The following LRTM1 variants were observed in gnomAD, a reference collection of about 807,000 sequenced individuals.
LRTM1 encodes the protein leucine rich repeat transmembrane protein 1, also known as leucine-rich repeat and transmembrane domain-containing protein 1.
In LRTM1, 38 loss-of-function variants were observed where a neutral mutation model predicts 32.4. The observed-to-expected ratio is 1.17, with a 90% confidence interval of 0.91 to 1.54. The LOEUF (loss-of-function observed/expected upper bound fraction) is 1.54. Among genes scored for constraint, LRTM1 ranks in the 40% most tolerant of loss-of-function variants. The pLI is 0.00. For missense variants in LRTM1, 466 were observed against 415.4 expected, an observed-to-expected ratio of 1.12 and a Z score of -1.06; for synonymous variants, 186 against 169.9, an observed-to-expected ratio of 1.09 and a Z score of -0.74.
chr3:54,952,385 G>T (rs1244048968), intron 1 of LRTM1, among the ~76,000 whole-genome samples: 1 of 152,094 alleles, frequency 6.6e-6, no homozygotes, highest in Non-Finnish European at 1.5e-5. Context: ...AAACATGAAG[G>T]GTCTGGAGGC....
At chr3:54,964,555 C>T (rs1702100122) in intron 1 of LRTM1, among the ~76,000 whole-genome samples, 1 of 152,074 alleles carries the variant, frequency 6.6e-6, no homozygotes, top group Non-Finnish European at 1.5e-5. Flanking sequence ...AATAGACGGG[C>T]TTGACAAATG....
intron 1 of LRTM1, among the ~76,000 whole-genome samples, chr3:54,964,132 C>T (rs1048628158): frequency 1.1e-4 from 16 of 151,896 alleles, no homozygotes; most frequent in Non-Finnish European, 2.4e-4. Flanking sequence ...ATCTTGGGGT[C>T]GCTGTCCTAG....
intron 1 of LRTM1, among the ~76,000 whole-genome samples, chr3:54,959,542 T>G (rs578208417): frequency 1.3e-5 from 2 of 152,296 alleles, no homozygotes; most frequent in Non-Finnish European, 2.9e-5. Flanking sequence ...TGGAAATGTT[T>G]AGAAACTTGA....
chr3:54,928,863 G>A (rs368030014), upstream of LRTM1, among the ~76,000 whole-genome samples: 2 of 152,100 alleles, frequency 1.3e-5, no homozygotes, highest in Admixed American at 6.5e-5. Flanking sequence ...AGCATCAGGC[G>A]TCAGTCGACT....
upstream of LRTM1, among the ~76,000 whole-genome samples, chr3:54,931,011 G>A (rs1461744104): frequency 3.3e-5 from 5 of 152,150 alleles, no homozygotes; most frequent in Middle Eastern, 3.2e-3. Context: ...CAGGAGAATC[G>A]CTTGAACCCA....
At chr3:54,945,076 A>G (rs910150607) in intron 1 of LRTM1, among the ~76,000 whole-genome samples, 9 of 152,202 alleles carry the variant, frequency 5.9e-5, no homozygotes, top group African/African-American at 2.2e-4. Context: ...TTTGGGGGCT[A>G]TAAGCTTGTT....
At chr3:54,932,328 A>T (rs1482047992), upstream of LRTM1, among the ~76,000 whole-genome samples, 2 of 152,170 alleles carry the variant, frequency 1.3e-5, no homozygotes, top group African/African-American at 2.4e-5. Context: ...AGTGTTAGAG[A>T]TGGAGGAATT....
intron 1 of LRTM1, among the ~76,000 whole-genome samples, chr3:54,939,822 C>G (rs1701420891): frequency 6.6e-6 from 1 of 152,198 alleles, no homozygotes; most frequent in South Asian, 2.1e-4. Flanking sequence ...TGCCCTTCGG[C>G]CCACATGATT....
rs528111083 is a variant in LRTM1 at position 54,952,002 on chromosome 3, C to T, written c.-222+14926G>A. ...TAGCCGGGACTACAGGTGCCTGCCA[C>T]CATACCTGGCTAATTTTTGTCTTTT... is the stretch of plus-strand genomic sequence containing the variant. On this transcript the variant is annotated intron_variant, in intron 1 of 2. Transcript: ENST00000493075. Among the ~76,000 whole-genome samples the T allele has an allele frequency of 1.1e-4, 17 of 152,288 alleles. No individual in the cohort carries two copies. The South Asian group carries it at 3.3e-3, about 30-fold the overall frequency.
At chr3:54,957,410 A>G (rs1701926257) in intron 1 of LRTM1, among the ~76,000 whole-genome samples, 1 of 152,132 alleles carries the variant, frequency 6.6e-6, no homozygotes, top group Non-Finnish European at 1.5e-5. Flanking sequence ...CAGCCTCCTA[A>G]AGTGCTGGGA....
At chr3:54,940,705 T>G (rs555594749) in intron 1 of LRTM1, among the ~76,000 whole-genome samples, 9 of 152,316 alleles carry the variant, frequency 5.9e-5, no homozygotes, top group Admixed American at 4.6e-4. Context: ...GTATGAAAAG[T>G]CTTTGTACTC....
intron 2 of LRTM1, among the ~76,000 whole-genome samples, chr3:54,920,098 G>C (rs1217222377): frequency 6.6e-6 from 1 of 152,230 alleles, no homozygotes; most frequent in Non-Finnish European, 1.5e-5. Context: ...AGTTAGCAAA[G>C]TTAGATTGGA....
chr3:54,957,651 C>T (rs1381486339), intron 1 of LRTM1, among the ~76,000 whole-genome samples: 3 of 152,036 alleles, frequency 2.0e-5, no homozygotes, highest in South Asian at 2.1e-4. Flanking sequence ...GATTCAGATA[C>T]GACTGATGGG....
intron 2 of LRTM1, among the ~76,000 whole-genome samples, chr3:54,919,464 C>G: frequency 6.6e-6 from 1 of 152,156 alleles, no homozygotes. Flanking sequence ...TCCTGGAATT[C>G]GGTACCATGA....
At chr3:54,932,796 T>C (rs1286359380), upstream of LRTM1, among the ~76,000 whole-genome samples, 1 of 152,216 alleles carries the variant, frequency 6.6e-6, no homozygotes, top group Non-Finnish European at 1.5e-5. Context: ...AACCATGTGG[T>C]ATGGCGATCT....
intron 1 of LRTM1, among the ~76,000 whole-genome samples, chr3:54,944,919 A>G (rs1045598834): frequency 6.6e-6 from 1 of 151,956 alleles, no homozygotes; most frequent in African/African-American, 2.4e-5. Context: ...GCTCTCCCCA[A>G]ATATCTGTAG....
At chr3:54,926,017 C>T (rs1351335997) in intron 1 of LRTM1, among the ~76,000 whole-genome samples, 1 of 152,126 alleles carries the variant, frequency 6.6e-6, no homozygotes, top group Non-Finnish European at 1.5e-5. Context: ...GGTTATTGTA[C>T]TTCCTTGATT....
intron 1 of LRTM1, among the ~76,000 whole-genome samples, chr3:54,959,548 C>T (rs540859186): frequency 1.3e-5 from 2 of 152,280 alleles, no homozygotes; most frequent in Non-Finnish European, 2.9e-5. Context: ...TGTTTAGAAA[C>T]TTGACCCCCA....
At chr3:54,940,345 G>A (rs1047164850) in intron 1 of LRTM1, among the ~76,000 whole-genome samples, 1 of 152,194 alleles carries the variant, frequency 6.6e-6, no homozygotes, top group African/African-American at 2.4e-5. Flanking sequence ...CAACTTCCCT[G>A]TAGTATAGTA....
Sources: gnomAD v4.1 joint callset for allele counts (sites outside exome capture counted in the v4.1 genomes callset) on GRCh38, gnomAD v4.1.1 for gene constraint, MANE v1.5 for transcripts, NCBI Gene and HGNC (gene_info 2026-07-23, HGNC 2026-07-21) for gene names.